Variants in DYTN observed in about 807,000 individuals in gnomAD.
The protein encoded by DYTN is dystrotelin.
Under a neutral mutation model 69.6 loss-of-function variants are expected in DYTN, and 75 were observed. That is an observed-to-expected ratio of 1.08 (90% CI 0.89 to 1.31). The LOEUF is 1.31. DYTN is among the 50% of genes most tolerant of loss of function. The probability of loss-of-function intolerance (pLI) is 0.00; values close to 1 mark genes in which losing one functional copy is unlikely to be tolerated. For missense variants in DYTN, 726 were observed against 688.4 expected, an observed-to-expected ratio of 1.05 and a Z score of -0.61; for synonymous variants, 252 against 249.1, an observed-to-expected ratio of 1.01 and a Z score of -0.11.
Position 206,662,852 on chromosome 2 carries a change from G to A in DYTN, c.1633+51C>T, listed in dbSNP as rs535419817. 1.4e-5 allele frequency: 21 copies of A among 1,550,182 alleles called. No individual in the cohort carries two copies. In the East Asian group the frequency reaches 4.5e-4, roughly 33 times the overall value. On this transcript the variant is annotated intron_variant, in intron 11 of 11. Transcript: ENST00000452335. ...GTTATAAAATCAAGTTTTTAAAAAG[G>A]CAGCTTGAATCCTTGGCCATCACGA...
chr2:206,700,814 A>G (rs980680400), intron 5 of DYTN, among the ~76,000 whole-genome samples: 5 of 151,972 alleles, frequency 3.3e-5, no homozygotes, highest in African/African-American at 9.7e-5. Flanking sequence ...CCCTGCGTCC[A>G]TGTGTTCTCA....
At chr2:206,666,117 T>C (rs760469722) in intron 9 of DYTN, 88 bp from the exon 10 acceptor site, 101 of 1,487,378 alleles carry the variant, frequency 6.8e-5, no homozygotes, top group Non-Finnish European at 7.8e-5. Context: ...CCGGTCCTTT[T>C]TGTGGGAAAA....
At chr2:206,685,986 GA>G (rs34711985) in intron 9 of DYTN, among the ~76,000 whole-genome samples, 38,988 of 137,778 alleles carry the variant, frequency 0.28, 5,557 homozygotes, top group African/African-American at 0.41. Flanking sequence ...ATAGAGTGCG[GA>G]AAAAAAAAAA....
chr2:206,675,168 AATAT>A (rs1335003952), intron 9 of DYTN, among the ~76,000 whole-genome samples: 1 of 117,448 alleles, frequency 8.5e-6, no homozygotes, highest in African/African-American at 3.4e-5. Flanking sequence ...TATATATTTA[AATAT>A]ATATACACAT....
intron 5 of DYTN, among the ~76,000 whole-genome samples, chr2:206,700,529 T>C (rs1699966246): frequency 6.6e-6 from 1 of 152,214 alleles, no homozygotes; most frequent in African/African-American, 2.4e-5. Flanking sequence ...ATCCTTTCTT[T>C]GCCTTTGTTC....
intron 3 of DYTN, among the ~76,000 whole-genome samples, chr2:206,706,848 A>G (rs150443506): frequency 1.3e-4 from 19 of 151,378 alleles, no homozygotes; most frequent in Admixed American, 3.3e-4. Flanking sequence ...CATGGTCTAC[A>G]CTGGTTTATA....
intron 9 of DYTN, among the ~76,000 whole-genome samples, chr2:206,672,882 G>C (rs1427837349): frequency 6.6e-6 from 1 of 152,190 alleles, no homozygotes; most frequent in Middle Eastern, 3.4e-3. Flanking sequence ...AACTTCACTG[G>C]TATTTTTAAA....
chr2:206,680,288 G>C (rs1406711007), intron 9 of DYTN, among the ~76,000 whole-genome samples: 3 of 152,036 alleles, frequency 2.0e-5, no homozygotes, highest in African/African-American at 7.2e-5. Context: ...ATTATGAGAA[G>C]AGCATGGGAA....
At chr2:206,706,913 A>C (rs1449265966) in intron 3 of DYTN, among the ~76,000 whole-genome samples, 4 of 152,068 alleles carry the variant, frequency 2.6e-5, no homozygotes, top group Non-Finnish European at 4.4e-5. Context: ...AAAAAAAAAA[A>C]AAACAATTGA....
At chr2:206,672,192 T>C (rs902766250) in intron 9 of DYTN, among the ~76,000 whole-genome samples, 7 of 152,210 alleles carry the variant, frequency 4.6e-5, no homozygotes, top group African/African-American at 1.4e-4. Flanking sequence ...TATTTTAACT[T>C]CTTATACGTC....
intron 9 of DYTN, among the ~76,000 whole-genome samples, chr2:206,678,130 C>A (rs559200801): frequency 2.0e-5 from 3 of 152,232 alleles, no homozygotes; most frequent in South Asian, 2.1e-4. Flanking sequence ...ATTGGTAAAT[C>A]AAACTGATTC....
intron 11 of DYTN, among the ~76,000 whole-genome samples, chr2:206,654,913 A>G (rs1487363061): frequency 6.6e-6 from 1 of 152,216 alleles, no homozygotes; most frequent in Admixed American, 6.5e-5. Flanking sequence ...ATCATGGCAT[A>G]TGCAAATAGA....
At chr2:206,685,012 C>T (rs1699789682) in intron 9 of DYTN, among the ~76,000 whole-genome samples, 1 of 152,160 alleles carries the variant, frequency 6.6e-6, no homozygotes. Flanking sequence ...GGGAGCATTA[C>T]AGATCACCAA....
intron 9 of DYTN, chr2:206,686,722 T>G (rs10178984): frequency 0.087 from 13,263 of 152,388 alleles, 1,930 homozygotes; most frequent in African/African-American, 0.3. Flanking sequence ...GTGGCATCAT[T>G]GGCATAGCTT....
chr2:206,659,327 A>T (rs1699481959), intron 11 of DYTN, among the ~76,000 whole-genome samples: 1 of 151,016 alleles, frequency 6.6e-6, no homozygotes, highest in African/African-American at 2.4e-5. Context: ...TCCAGCCACC[A>T]CGCCCGGCTA....
chr2:206,672,627 A>G (rs1465750920), intron 9 of DYTN, among the ~76,000 whole-genome samples: 1 of 152,226 alleles, frequency 6.6e-6, no homozygotes, highest in Non-Finnish European at 1.5e-5. Flanking sequence ...CTGGATGGTC[A>G]CAAGACTTAC....
At chr2:206,714,650 G>A (rs1396072851) in intron 1 of DYTN, among the ~76,000 whole-genome samples, 1 of 151,702 alleles carries the variant, frequency 6.6e-6, no homozygotes, top group East Asian at 2.0e-4. Context: ...GGTTTAGGAG[G>A]TGTTTCCAGG....
At chr2:206,704,698 AG>A in intron 5 of DYTN, 144 bp downstream of exon 5, 1 of 666,062 alleles carries the variant, frequency 1.5e-6, no homozygotes, top group Non-Finnish European at 2.6e-6. Flanking sequence ...GTTATATTCA[AG>A]TAACAGCAAT....
chr2:206,683,347 T>G (rs929509907), intron 9 of DYTN, among the ~76,000 whole-genome samples: 1 of 140,810 alleles, frequency 7.1e-6, no homozygotes, highest in Non-Finnish European at 1.5e-5. Flanking sequence ...TTCTTTTTTT[T>G]TTTTTTTTTT....
Sources: gnomAD v4.1 joint callset for allele counts (sites outside exome capture counted in the v4.1 genomes callset) on GRCh38, gnomAD v4.1.1 for gene constraint, MANE v1.5 for transcripts, NCBI Gene and HGNC (gene_info 2026-07-23, HGNC 2026-07-21) for gene names.